DSCAML1: variants seen among roughly 807,000 people sequenced by gnomAD.
DSCAML1 encodes DS cell adhesion molecule like 1.
DSCAML1 carries 38 observed loss-of-function variants against 200.5 expected under a neutral mutation model. That is an observed-to-expected ratio of 0.19 (90% confidence interval 0.15 to 0.25). The LOEUF is 0.25. DSCAML1 is among the 10% of genes least tolerant of loss of function. DSCAML1 has a pLI of 1.00. For missense variants in DSCAML1, 2,223 were observed against 2,858.8 expected, an observed-to-expected ratio of 0.78 and a Z score of 5.07; for synonymous variants, 1,215 against 1,165.0, an observed-to-expected ratio of 1.04 and a Z score of -0.87.
rs560663032 is a variant in DSCAML1 at position 117,648,393 on chromosome 11, C to CTT, written c.512-115872_512-115871insAA. Among the ~76,000 whole-genome samples the CTT allele has an allele frequency of 6.9e-4, 105 of 152,360 alleles. 2 individuals are homozygous for CTT. The East Asian group carries it at 0.019, about 28-fold the overall frequency. On this transcript the variant is annotated intron_variant, in intron 3 of 32. Transcript: ENST00000651296. ...GAAGGTGAATGAAAGCAACGCAGGACCCGCTTCCACGCAGTTCACCTCTGC... is the reference window on the plus strand; with the variant it reads ...GAAGGTGAATGAAAGCAACGCAGGACTTCCGCTTCCACGCAGTTCACCTCTGC...
chr11:117,678,331 C>T (rs1853779706), intron 3 of DSCAML1, among the ~76,000 whole-genome samples: 1 of 152,156 alleles, frequency 6.6e-6, no homozygotes, highest in African/African-American at 2.4e-5. Flanking sequence ...TGAGGGTTTG[C>T]AGTTTTGATT....
chr11:117,542,327 C>CAACAACA (rs11432643), intron 3 of DSCAML1, among the ~76,000 whole-genome samples: 3,962 of 129,794 alleles, frequency 0.031, 61 homozygotes, highest in East Asian at 0.054. Flanking sequence ...CAAAACAAAA[C>CAACAACA]ACAAAAACAA....
chr11:117,474,840 C>T (rs1056904751), intron 14 of DSCAML1, among the ~76,000 whole-genome samples: 8 of 151,772 alleles, frequency 5.3e-5, no homozygotes, highest in Non-Finnish European at 8.8e-5. Flanking sequence ...CTGCAAGCTC[C>T]GCCTCCCGGG....
In DSCAML1 at chr11:117,467,193, A is replaced by ACACCCCCCCC. The variant is rs1555172719; in HGVS notation, c.3025-2012_3025-2011insGGGGGGGGTG. ...CGCGCACGCATGCGCGTGCACACACACCTCCCCCCTCCCCCCGCCGCCAAT... is the reference window on the plus strand; with the variant it reads ...CGCGCACGCATGCGCGTGCACACACACACCCCCCCCCCTCCCCCCTCCCCCCGCCGCCAAT... On this transcript the variant is annotated intron_variant, in intron 16 of 32. Coordinates refer to ENST00000651296, the MANE Select transcript of DSCAML1 (RefSeq NM_020693.4). Among the ~76,000 whole-genome samples, 16 of 109,508 alleles carry ACACCCCCCCC rather than the reference A, an allele frequency of 1.5e-4. 1 individual carries two copies. The highest frequency in any genetic ancestry group is 5.1e-4 in the Admixed American group (5 of 9,836). 71.8% of individuals were successfully genotyped at this position (109,508 alleles called of 152,430 possible).
intron 3 of DSCAML1, among the ~76,000 whole-genome samples, chr11:117,701,482 C>T (rs1206648827): frequency 1.3e-5 from 2 of 152,130 alleles, no homozygotes; most frequent in Non-Finnish European, 2.9e-5. Context: ...TCAATATTTG[C>T]CACTGAGCTC....
intron 26 of DSCAML1, 133 bp from the exon 27 acceptor site, chr11:117,435,932 C>A (rs1202613597): frequency 4.3e-6 from 4 of 938,838 alleles, no homozygotes; most frequent in Admixed American, 3.0e-5. Flanking sequence ...TGGCACAGAA[C>A]CCTGGACTTC....
chr11:117,674,389 C>T (rs1164915896), intron 3 of DSCAML1, among the ~76,000 whole-genome samples: 1 of 152,124 alleles, frequency 6.6e-6, no homozygotes, highest in Non-Finnish European at 1.5e-5. Flanking sequence ...AAGCAGTACC[C>T]ACGTTCTACA....
intron 32 of DSCAML1, among the ~76,000 whole-genome samples, chr11:117,429,212 G>A (rs1356654497): frequency 6.6e-6 from 1 of 152,164 alleles, no homozygotes; most frequent in Admixed American, 6.5e-5. Context: ...CTGGTGGAAA[G>A]CTTTTCTTTA....
chr11:117,644,008 C>CGG (rs775450722), intron 3 of DSCAML1, among the ~76,000 whole-genome samples: 1 of 152,210 alleles, frequency 6.6e-6, no homozygotes, highest in African/African-American at 2.4e-5. Context: ...AAACTACTGT[C>CGG]GGGGAAGAGG....
chr11:117,696,051 A>C (rs1390437412), intron 3 of DSCAML1, among the ~76,000 whole-genome samples: 1 of 152,232 alleles, frequency 6.6e-6, no homozygotes. Context: ...ATGTCATAAA[A>C]AGAATTATTA....
rs1411714344 is a variant in DSCAML1, at chr11:117,511,067, C to A, written c.1784-5335G>T. Among the ~76,000 whole-genome samples, 3 of 152,302 alleles carry A rather than the reference C, an allele frequency of 2.0e-5. No individual in the cohort carries two copies. In the East Asian group the frequency reaches 5.8e-4, roughly 29 times the overall value. On this transcript the variant is annotated intron_variant, in intron 8 of 32. Transcript: ENST00000651296. ...TATCATCATAGAAACCCCCAACCTA[C>A]TCGTTAGGGTGGGAGAGGGTCTCTG...
At chr11:117,428,911 T>TAGGGGCCCCCCAGTGG in intron 32 of DSCAML1, 108 bp from the exon 33 acceptor site, 2 of 1,095,710 alleles carry the variant, frequency 1.8e-6, no homozygotes, top group Non-Finnish European at 1.3e-6. Flanking sequence ...TGATTTGGCA[T>TAGGGGCCCCCCAGTGG]AGGGGCCCCT....
chr11:117,497,934 C>A (rs1320109655), intron 11 of DSCAML1, among the ~76,000 whole-genome samples: 1 of 152,250 alleles, frequency 6.6e-6, no homozygotes, highest in Non-Finnish European at 1.5e-5. Flanking sequence ...ATCCCGTCCC[C>A]CACTCGCCCA....
intron 3 of DSCAML1, among the ~76,000 whole-genome samples, chr11:117,672,102 G>GGAAAAAAAAAGAAAAAAAAA (rs1555196987): frequency 2.1e-5 from 2 of 94,484 alleles, no homozygotes; most frequent in Non-Finnish European, 4.0e-5. Context: ...CTCCAGCTCA[G>GGAAAAAAAAAGAAAAAAAAA]AAAAAAAAAA....
intron 3 of DSCAML1, among the ~76,000 whole-genome samples, chr11:117,578,163 A>G (rs2050981278): frequency 7.1e-6 from 1 of 141,460 alleles, no homozygotes; most frequent in South Asian, 2.5e-4. Flanking sequence ...TGAAGCCATG[A>G]GGCTGAGGTT....
intron 16 of DSCAML1, among the ~76,000 whole-genome samples, chr11:117,465,565 G>T (rs536556446): frequency 1.3e-5 from 2 of 152,182 alleles, no homozygotes; most frequent in South Asian, 4.1e-4. Context: ...TTTCTTCCCG[G>T]TTTATTTTCC....
intron 3 of DSCAML1, among the ~76,000 whole-genome samples, chr11:117,755,518 A>G (rs1043984916): frequency 2.6e-5 from 4 of 152,152 alleles, no homozygotes; most frequent in Admixed American, 6.5e-5. Context: ...TCGGATTGTC[A>G]TCCCTTTCCT....
intron 3 of DSCAML1, among the ~76,000 whole-genome samples, chr11:117,596,214 C>A (rs1017915122): frequency 2.0e-5 from 3 of 152,102 alleles, no homozygotes; most frequent in Non-Finnish European, 4.4e-5. Flanking sequence ...GAGAATGACT[C>A]CCCAGAGTCA....
chr11:117,646,962 G>A (rs1486277762), intron 3 of DSCAML1, among the ~76,000 whole-genome samples: 4 of 152,186 alleles, frequency 2.6e-5, no homozygotes, highest in Non-Finnish European at 5.9e-5. Context: ...TTTGATCTCA[G>A]TAAGCAGCCA....
Sources: allele counts gnomAD v4.1 joint callset (sites outside exome capture counted in the v4.1 genomes callset), GRCh38; gene constraint gnomAD v4.1.1; transcripts MANE v1.5; gene names NCBI Gene and HGNC (gene_info 2026-07-23, HGNC 2026-07-21).